FAAH2: variants seen among roughly 807,000 people sequenced by gnomAD.
FAAH2 encodes the protein fatty acid amide hydrolase 2.
FAAH2 carries 60 observed loss-of-function variants against 36.9 expected under a neutral mutation model. The observed-to-expected ratio is 1.63, with a 90% CI of 1.32 to 2.02. The LOEUF is 2.02. Ranked by LOEUF, FAAH2 falls within the 30% of genes most tolerant of loss-of-function variation. The pLI, the probability that FAAH2 is intolerant of heterozygous loss-of-function variation, is 0.00. For missense variants in FAAH2, 689 were observed against 397.5 expected (o/e 1.73, Z -6.23); for synonymous variants, 214 against 143.8 (o/e 1.49, Z -3.49).
chrX:57,420,791 C>G (rs1344095613), intron 7 of FAAH2, among the ~76,000 whole-genome samples: 2 of 109,467 alleles, frequency 1.8e-5, no homozygotes, highest in Non-Finnish European at 3.8e-5. Flanking sequence ...GCATCCCTGT[C>G]TTGTGCCAGT....
chrX:57,202,317 G>A, the FAAH2 span, among the ~76,000 whole-genome samples: 2 of 112,057 alleles, frequency 1.8e-5, no homozygotes, highest in African/African-American at 6.5e-5. Context: ...AGACTTGAGG[G>A]TGGTAATATA....
rs183374913 is a variant in FAAH2, at chrX:57,484,153, G to T, written c.1424-4604G>T. ...TTTCACTTTGACCTGCTGGCCAGGG[G>T]GTAGCACTTAAGGGTAAGACACAGA... is the stretch of plus-strand genomic sequence containing the variant. On this transcript the variant is annotated intron_variant, in intron 10 of 10. Coordinates refer to ENST00000374900, the MANE Select transcript of FAAH2 (RefSeq NM_174912.4). 4.5e-5 allele frequency among the ~76,000 whole-genome samples: 5 copies of T among 110,637 alleles called. No individual in the cohort carries two copies. The East Asian group carries it at 1.1e-3, about 25-fold the overall frequency.
At chrX:57,367,654 C>A (rs757624569) in intron 5 of FAAH2, among the ~76,000 whole-genome samples, 17 of 111,686 alleles carry the variant, frequency 1.5e-4, no homozygotes, top group African/African-American at 5.2e-4. Flanking sequence ...GCTTCATAGA[C>A]AAGGAAGCAA....
the FAAH2 span, among the ~76,000 whole-genome samples, chrX:57,190,457 A>AG: frequency 9.2e-6 from 1 of 108,778 alleles, no homozygotes; most frequent in Non-Finnish European, 1.9e-5. Flanking sequence ...AAAAAAAAAA[A>AG]AAAAAACTTC....
intron 2 of FAAH2, among the ~76,000 whole-genome samples, chrX:57,296,381 A>G (rs892122621): frequency 1.8e-5 from 2 of 112,139 alleles, no homozygotes; most frequent in Non-Finnish European, 3.8e-5. Flanking sequence ...ACAGACCTGC[A>G]GCTGAGGGTC....
intron 10 of FAAH2, among the ~76,000 whole-genome samples, chrX:57,456,358 A>G (rs1278122368): frequency 8.9e-6 from 1 of 111,818 alleles, no homozygotes; most frequent in African/African-American, 3.2e-5. Context: ...AAAGATGTCA[A>G]ATTAACAACC....
intron 10 of FAAH2, among the ~76,000 whole-genome samples, chrX:57,460,766 G>A (rs778534059): frequency 1.1e-4 from 12 of 111,703 alleles, no homozygotes; most frequent in African/African-American, 2.9e-4. Context: ...TAACTAGCTA[G>A]CATCATGATG....
intron 7 of FAAH2, among the ~76,000 whole-genome samples, chrX:57,408,324 A>T (rs1367312277): frequency 9.1e-6 from 1 of 110,001 alleles, no homozygotes; most frequent in Non-Finnish European, 1.9e-5. Context: ...GCCTATTTTA[A>T]TTTTTTCATC....
At chrX:57,123,062 T>A in the FAAH2 span, among the ~76,000 whole-genome samples, 1 of 111,442 alleles carries the variant, frequency 9.0e-6, no homozygotes, top group African/African-American at 3.3e-5. Context: ...TGCAGGTTAG[T>A]TACATGTGTA....
chrX:57,450,554 A>G (rs2056765242), intron 10 of FAAH2, among the ~76,000 whole-genome samples: 1 of 111,651 alleles, frequency 9.0e-6, no homozygotes, highest in South Asian at 3.7e-4. Flanking sequence ...GGTTTGTGAG[A>G]CCTTTTGTCA....
At chrX:57,152,259 G>A in the FAAH2 span, among the ~76,000 whole-genome samples, 11 of 112,179 alleles carry the variant, frequency 9.8e-5, no homozygotes, top group African/African-American at 1.6e-4. Context: ...TCAGATCTCC[G>A]GCTGCGTGCT....
intron 3 of FAAH2, among the ~76,000 whole-genome samples, chrX:57,317,861 C>A (rs2052890460): frequency 8.9e-6 from 1 of 111,996 alleles, no homozygotes; most frequent in East Asian, 2.8e-4. Flanking sequence ...GATTAAGAAA[C>A]TCACTCAAAA....
At chrX:57,330,297 G>A (rs993450821) in intron 3 of FAAH2, among the ~76,000 whole-genome samples, 4 of 111,486 alleles carry the variant, frequency 3.6e-5, no homozygotes, top group African/African-American at 1.3e-4. Flanking sequence ...AAATGGCCCC[G>A]TTGGGTGTGG....
At chrX:57,260,055 T>A in the FAAH2 span, among the ~76,000 whole-genome samples, 1 of 111,961 alleles carries the variant, frequency 8.9e-6, no homozygotes, top group South Asian at 3.7e-4. Context: ...ATATGTAGTG[T>A]AATATAACTT....
intron 10 of FAAH2, among the ~76,000 whole-genome samples, chrX:57,483,629 A>G (rs941641688): frequency 3.6e-5 from 4 of 109,872 alleles, no homozygotes; most frequent in Non-Finnish European, 7.6e-5. Context: ...TCTCATCTGG[A>G]GGTATTGTCA....
intron 7 of FAAH2, among the ~76,000 whole-genome samples, chrX:57,418,631 G>T (rs1396182915): frequency 9.0e-6 from 1 of 110,664 alleles, no homozygotes. Flanking sequence ...CCCACCTTCT[G>T]CGTTGATCTG....
chrX:57,197,075 T>A, the FAAH2 span, among the ~76,000 whole-genome samples: 2 of 111,902 alleles, frequency 1.8e-5, no homozygotes, highest in Admixed American at 1.9e-4. Flanking sequence ...TTATTTTTAA[T>A]TTTTTTCTTT....
chrX:57,361,263 T>C (rs992641816), intron 5 of FAAH2, among the ~76,000 whole-genome samples: 3 of 111,763 alleles, frequency 2.7e-5, no homozygotes, highest in African/African-American at 9.7e-5. Context: ...AATACTTTTT[T>C]TTAGTTTTTC....
At chrX:57,313,499 G>A (rs977716872) in intron 3 of FAAH2, among the ~76,000 whole-genome samples, 1 of 109,928 alleles carries the variant, frequency 9.1e-6, no homozygotes, top group Non-Finnish European at 1.9e-5. Flanking sequence ...CTTAAAGGCA[G>A]CTAGAGAGAA....
Sources: allele counts gnomAD v4.1 joint callset (sites outside exome capture counted in the v4.1 genomes callset), GRCh38; gene constraint gnomAD v4.1.1; transcripts MANE v1.5; gene names NCBI Gene and HGNC (gene_info 2026-07-23, HGNC 2026-07-21).